Variants in HPN observed in about 807,000 individuals in gnomAD.
The protein encoded by HPN is hepsin.
Under a neutral mutation model 55.9 loss-of-function variants are expected in HPN, and 13 were observed. The observed-to-expected ratio is 0.23, with a 90% confidence interval of 0.15 to 0.37. The LOEUF (loss-of-function observed/expected upper bound fraction) is 0.37. Ranked by LOEUF, HPN falls within the 10% of genes least tolerant of loss-of-function variation. The pLI is 1.00. For missense variants in HPN, 451 were observed against 575.8 expected, an observed-to-expected ratio of 0.78 and a Z score of 2.22; for synonymous variants, 225 against 240.3, an observed-to-expected ratio of 0.94 and a Z score of 0.59.
chr19:35,054,058 C>T (rs1388502217), intron 4 of HPN, among the ~76,000 whole-genome samples: 2 of 152,198 alleles, frequency 1.3e-5, no homozygotes, highest in Non-Finnish European at 2.9e-5. Context: ...GCTGGTTAGC[C>T]GTGTGCCTCT....
At chr19:35,045,140 C>A (rs991757300) in intron 2 of HPN, among the ~76,000 whole-genome samples, 2 of 152,046 alleles carry the variant, frequency 1.3e-5, no homozygotes, top group Non-Finnish European at 2.9e-5. Context: ...ACTGCAGGAG[C>A]CCTGACCTGG....
intron 2 of HPN, among the ~76,000 whole-genome samples, chr19:35,044,886 C>T (rs568666510): frequency 5.0e-4 from 76 of 151,696 alleles, no homozygotes; most frequent in South Asian, 1.5e-3. Flanking sequence ...TGGATGGGGC[C>T]GGAGCAAGGT....
At chr19:35,057,312 G>A (rs540624964) in intron 4 of HPN, among the ~76,000 whole-genome samples, 139 of 152,142 alleles carry the variant, frequency 9.1e-4, no homozygotes, top group African/African-American at 3.2e-3. Flanking sequence ...TGTAGCTCCA[G>A]CTACTCGGGA....
intron 2 of HPN, among the ~76,000 whole-genome samples, chr19:35,043,299 G>C (rs374403976): frequency 1.3e-5 from 2 of 152,210 alleles, no homozygotes; most frequent in African/African-American, 4.8e-5. Flanking sequence ...GCAGCCCCCA[G>C]CTAGCCTGGC....
chr19:35,052,356 C>T (rs1291508521), intron 4 of HPN, among the ~76,000 whole-genome samples: 1 of 152,014 alleles, frequency 6.6e-6, no homozygotes, highest in Non-Finnish European at 1.5e-5. Flanking sequence ...GGTGAAACCT[C>T]ATCTGTACTA....
upstream of HPN, chr19:35,041,546 G>C (rs1406274466): frequency 1.2e-6 from 1 of 814,722 alleles, no homozygotes; most frequent in East Asian, 1.2e-4. Flanking sequence ...CATCCCCGCA[G>C]ACAGGCACAC....
intron 2 of HPN, among the ~76,000 whole-genome samples, chr19:35,046,102 G>T (rs960792943): frequency 6.6e-6 from 1 of 152,202 alleles, no homozygotes; most frequent in Non-Finnish European, 1.5e-5. Context: ...GAGTGGTCCT[G>T]GGCAGAGTTG....
chr19:35,060,581 G>A, intron 8 of HPN, 46 bp from the exon 9 acceptor site: 1 of 1,612,236 alleles, frequency 6.2e-7, no homozygotes, highest in Non-Finnish European at 8.5e-7. Context: ...GAGGAGGGCG[G>A]ATTGTGCCCA....
chr19:35,050,910 C>CT (rs200748791), intron 4 of HPN, among the ~76,000 whole-genome samples: 2 of 116,760 alleles, frequency 1.7e-5, no homozygotes, highest in South Asian at 5.6e-4. Context: ...TTCTTTCTTT[C>CT]TTTCTTTTTT....
chr19:35,048,584 G>T (rs1008592756), intron 2 of HPN, among the ~76,000 whole-genome samples: 1 of 152,166 alleles, frequency 6.6e-6, no homozygotes, highest in Non-Finnish European at 1.5e-5. Flanking sequence ...GCTAGGAAGG[G>T]GTAGGGTCAA....
intron 9 of HPN, among the ~76,000 whole-genome samples, chr19:35,061,645 G>A (rs959632552): frequency 4.6e-5 from 7 of 152,068 alleles, no homozygotes; most frequent in African/African-American, 1.7e-4. Flanking sequence ...TCCACACAAC[G>A]GGAGAATATT....
chr19:35,043,367 T>C (rs2064312666), intron 2 of HPN, among the ~76,000 whole-genome samples: 1 of 152,320 alleles, frequency 6.6e-6, no homozygotes, highest in South Asian at 2.1e-4. Flanking sequence ...AGGGGCGTCC[T>C]GTTCTTTCTG....
At chr19:35,064,401 T>G in intron 9 of HPN, among the ~76,000 whole-genome samples, 1 of 151,816 alleles carries the variant, frequency 6.6e-6, no homozygotes, top group East Asian at 2.0e-4. Flanking sequence ...CAGGCTGGAG[T>G]GCAATGGCGC....
At chr19:35,048,880 A>G (rs1262373222) in intron 2 of HPN, among the ~76,000 whole-genome samples, 1 of 152,232 alleles carries the variant, frequency 6.6e-6, no homozygotes. Context: ...TGAGGCAGCG[A>G]GGAAATGCCA....
intron 7 of HPN, 50 bp from the exon 8 acceptor site, chr19:35,060,297 C>A (rs758574081): frequency 1.2e-6 from 2 of 1,607,634 alleles, no homozygotes; most frequent in African/African-American, 1.3e-5. Flanking sequence ...GCTCTGGGGA[C>A]CTGGGCTCCA....
intron 4 of HPN, among the ~76,000 whole-genome samples, chr19:35,051,991 C>T (rs1006728080): frequency 3.3e-5 from 5 of 152,190 alleles, no homozygotes; most frequent in African/African-American, 1.2e-4. Flanking sequence ...CCTCTCCACC[C>T]CCACCTCACA....
Position 35,066,270 on chromosome 19 carries a change from A to C in HPN, c.1237A>C (p.Met413Leu), listed in dbSNP as rs891721448. 6.2e-7 allele frequency: 1 copy of C among 1,613,502 alleles called. No homozygotes were observed. The highest frequency in any genetic ancestry group is 1.7e-5 in the Admixed American group (1 of 59,988). The change falls in exon 13 of 13, where the codon ATG (methionine) becomes CTG (leucine). Residue 413 changes from methionine to leucine, a missense_variant. Transcript: ENST00000672452. ...AIKTHSEASG[M>L]VTQL The stretch of plus-strand genomic sequence containing the variant: ...CCAGACTCACTCCGAAGCCAGCGGC[A>C]TGGTGACCCAGCTCTGACCGGTGGC...
chr19:35,043,083 G>C (rs1055016719), intron 2 of HPN, among the ~76,000 whole-genome samples: 1 of 152,146 alleles, frequency 6.6e-6, no homozygotes, highest in African/African-American at 2.4e-5. Flanking sequence ...TCATGACAGA[G>C]GTTGGCAAAC....
intron 9 of HPN, among the ~76,000 whole-genome samples, chr19:35,061,115 G>A (rs371505675): frequency 4.6e-5 from 7 of 152,138 alleles, no homozygotes; most frequent in East Asian, 3.9e-4. Context: ...ACCAAAACTC[G>A]TACATCAGTG....
Sources: allele counts gnomAD v4.1 joint callset (sites outside exome capture counted in the v4.1 genomes callset), GRCh38; gene constraint gnomAD v4.1.1; transcripts MANE v1.5; gene names NCBI Gene and HGNC (gene_info 2026-07-23, HGNC 2026-07-21).